CCDC148: variants seen among roughly 807,000 people sequenced by gnomAD.
CCDC148 encodes the protein coiled-coil domain-containing protein 148.
Under a neutral mutation model 85.7 loss-of-function variants are expected in CCDC148, and 89 were observed. The observed-to-expected ratio is 1.04, with a 90% CI of 0.87 to 1.24. The LOEUF is 1.24. Among genes scored for constraint, CCDC148 ranks in the 50% most tolerant of loss-of-function variants. The pLI is 0.00. For missense variants in CCDC148, 692 were observed against 671.7 expected (o/e 1.03, Z -0.33); for synonymous variants, 230 against 213.9 (o/e 1.08, Z -0.66).
At chr2:158,178,191 A>G (rs1684689287) in intron 12 of CCDC148, 1 of 152,158 alleles carries the variant, frequency 6.6e-6, no homozygotes, top group Admixed American at 6.5e-5. Flanking sequence ...TGTTCCCTCC[A>G]GCAACACAGG....
At chr2:158,353,443 C>T (rs986438199) in intron 2 of CCDC148, among the ~76,000 whole-genome samples, 9 of 148,364 alleles carry the variant, frequency 6.1e-5, no homozygotes, top group Middle Eastern at 3.6e-3. Flanking sequence ...TCTGATAAAA[C>T]AGACTTTAAA....
intron 11 of CCDC148, among the ~76,000 whole-genome samples, chr2:158,214,046 G>A (rs1686715635): frequency 6.8e-6 from 1 of 147,022 alleles, no homozygotes; most frequent in South Asian, 2.2e-4. Context: ...AAGTGGCAAC[G>A]TTTTGGGATG....
intron 1 of CCDC148, among the ~76,000 whole-genome samples, chr2:158,423,154 C>T (rs1686891053): frequency 6.6e-6 from 1 of 152,126 alleles, no homozygotes; most frequent in African/African-American, 2.4e-5. Context: ...GGCCACACTG[C>T]CCAAAGTAAT....
intron 11 of CCDC148, among the ~76,000 whole-genome samples, chr2:158,217,372 G>GTATATA (rs1279069325): frequency 2.8e-5 from 2 of 72,310 alleles, no homozygotes; most frequent in Non-Finnish European, 6.2e-5. Flanking sequence ...TTGTGTGTGT[G>GTATATA]TGTATATATA....
Position 158,345,286 on chromosome 2 carries a change from G to A in CCDC148, c.180C>T (p.Ser60=). ...IRKAMLTSKL[S]KEQTLIKQHK... is the part of the protein sequence containing the mutation. ...GTTGTTTTATTAGTGTTTGTTCTTT[G>A]GATAACTTTGAAGTCAACATTGCTT... Residue 60 remains serine (S), a synonymous_variant, in exon 3 of 14, where the codon TCC becomes TCT. Transcript: ENST00000283233. 6.2e-7 allele frequency: 1 copy of A among 1,612,880 alleles called. No individual in the cohort carries two copies. The highest frequency in any genetic ancestry group is 8.5e-7 in the Non-Finnish European group (1 of 1,179,428).
chr2:158,222,726 C>T (rs1687254357), intron 10 of CCDC148, among the ~76,000 whole-genome samples: 1 of 152,132 alleles, frequency 6.6e-6, no homozygotes, highest in Non-Finnish European at 1.5e-5. Flanking sequence ...TTCTTTCTCC[C>T]TTTGATGTTA....
chr2:158,225,040 T>A (rs1342328987), intron 10 of CCDC148, among the ~76,000 whole-genome samples: 3 of 152,174 alleles, frequency 2.0e-5, no homozygotes, highest in Non-Finnish European at 4.4e-5. Flanking sequence ...CCCATCAGTG[T>A]GCTGTATTCA....
intron 1 of CCDC148, among the ~76,000 whole-genome samples, chr2:158,390,299 C>T (rs114173514): frequency 1.2e-4 from 18 of 152,056 alleles, no homozygotes; most frequent in African/African-American, 4.3e-4. Flanking sequence ...AAGGACCAAA[C>T]GACATACCAA....
intron 10 of CCDC148, among the ~76,000 whole-genome samples, chr2:158,226,428 A>G (rs533646587): frequency 5.3e-5 from 8 of 152,228 alleles, no homozygotes; most frequent in Non-Finnish European, 1.0e-4. Context: ...CAATAGAAAA[A>G]GAGGGAATCC....
chr2:158,368,917 ATTC>A (rs1007489711), intron 1 of CCDC148, among the ~76,000 whole-genome samples: 12 of 152,054 alleles, frequency 7.9e-5, no homozygotes, highest in Non-Finnish European at 1.6e-4. Context: ...TAATATTCTT[ATTC>A]TTCTCTTTTC....
At chr2:158,194,578 G>A (rs777775159) in intron 11 of CCDC148, among the ~76,000 whole-genome samples, 3 of 152,068 alleles carry the variant, frequency 2.0e-5, no homozygotes, top group Admixed American at 6.6e-5. Flanking sequence ...TGGAGGTAGG[G>A]TTCTGGAATT....
chr2:158,420,653 T>C (rs1406939670), intron 1 of CCDC148, among the ~76,000 whole-genome samples: 1 of 152,130 alleles, frequency 6.6e-6, no homozygotes, highest in Non-Finnish European at 1.5e-5. Context: ...GTAAAGACCA[T>C]CGATGCTAGG....
At chr2:158,286,231 CAA>C (rs1290445105) in intron 9 of CCDC148, among the ~76,000 whole-genome samples, 1 of 151,980 alleles carries the variant, frequency 6.6e-6, no homozygotes, top group Non-Finnish European at 1.5e-5. Context: ...ATGAATCTGG[CAA>C]AAGATTGTAT....
intron 1 of CCDC148, among the ~76,000 whole-genome samples, chr2:158,418,414 T>C (rs899420120): frequency 2.0e-5 from 3 of 152,204 alleles, no homozygotes; most frequent in African/African-American, 7.2e-5. Flanking sequence ...AAAAATTAAA[T>C]GTATTTAAAA....
chr2:158,443,228 C>G (rs1363592270), intron 1 of CCDC148, among the ~76,000 whole-genome samples: 1 of 150,910 alleles, frequency 6.6e-6, no homozygotes, highest in Non-Finnish European at 1.5e-5. Context: ...AATGTCAGCA[C>G]TTTGGGAGTC....
intron 1 of CCDC148, among the ~76,000 whole-genome samples, chr2:158,362,263 C>T (rs546508646): frequency 8.6e-5 from 13 of 151,678 alleles, no homozygotes; most frequent in Admixed American, 3.3e-4. Context: ...ATTAGAACAA[C>T]GAGAAAGAAA....
intron 2 of CCDC148, among the ~76,000 whole-genome samples, chr2:158,351,696 A>T (rs1193231235): frequency 2.0e-5 from 3 of 152,044 alleles, no homozygotes; most frequent in Non-Finnish European, 4.4e-5. Context: ...CAAAGCAGCC[A>T]GGAAGCTCCA....
At chr2:158,264,894 G>T (rs1689389404) in intron 9 of CCDC148, among the ~76,000 whole-genome samples, 1 of 152,114 alleles carries the variant, frequency 6.6e-6, no homozygotes, top group African/African-American at 2.4e-5. Context: ...CTAGAATAAC[G>T]TGCATTATTC....
rs748550649 is a variant in CCDC148, at chr2:158,178,964, C to T, written c.1403G>A (p.Arg468His). 43 of 1,613,242 alleles carry T rather than the reference C, an allele frequency of 2.7e-5. No individual in the cohort carries two copies. Among genetic ancestry groups the T allele is most frequent in the Middle Eastern group, 1.6e-4 (1 of 6,084 alleles). ...GGCCACTTCCTTTTTCTCCATCAAACGCCTTTCCAATAATTCTTGTCTATA... is the reference window on the plus strand; with the variant it reads ...GGCCACTTCCTTTTTCTCCATCAAATGCCTTTCCAATAATTCTTGTCTATA... ...VKYRQELLERRLMEKKEVALQ... is the reference protein window; with the variant it reads ...VKYRQELLERHLMEKKEVALQ... The change falls in exon 12 of 14, where the codon CGT becomes CAT. Residue 468 changes from arginine (R) to histidine (H), a missense_variant. By Grantham distance (29) the Arg-to-His change is conservative. Transcript: ENST00000283233.
Sources: gnomAD v4.1 joint callset for allele counts (sites outside exome capture counted in the v4.1 genomes callset) on GRCh38, gnomAD v4.1.1 for gene constraint, MANE v1.5 for transcripts, NCBI Gene and HGNC (gene_info 2026-07-23, HGNC 2026-07-21) for gene names.